Variants in RBFOX1 observed in about 807,000 individuals in gnomAD.
RBFOX1 encodes RNA binding fox-1 homolog 1, also known as RNA binding protein fox-1 homolog 1.
In RBFOX1, 8 loss-of-function variants were observed where a neutral mutation model predicts 57.7. The observed-to-expected ratio is 0.14, with a 90% CI of 0.08 to 0.25. The LOEUF (loss-of-function observed/expected upper bound fraction) is 0.25, where lower values mean the gene tolerates loss of function less well. Ranked by LOEUF, RBFOX1 falls within the 10% of genes least tolerant of loss-of-function variation. RBFOX1 has a pLI of 1.00. For synonymous variants in RBFOX1, 326 were observed against 222.4 expected (o/e 1.47, Z -4.15); for missense variants, 611 against 548.5 (o/e 1.11, Z -1.14).
intron 2 of RBFOX1, among the ~76,000 whole-genome samples, chr16:6,639,836 G>A (rs1436047515): frequency 6.6e-6 from 1 of 152,090 alleles, no homozygotes; most frequent in Non-Finnish European, 1.5e-5. Context: ...CTGAGATCAC[G>A]CCACTGCACT....
rs1194287222 is a variant in RBFOX1 at position 5,955,346 on chromosome 16, TAAAATAAATAA to T, written c.351+88015_351+88025del. Among the ~76,000 whole-genome samples the T allele has an allele frequency of 8.8e-3, 240 of 27,328 alleles. 27 individuals are homozygous for T. Among genetic ancestry groups the T allele is most frequent in the African/African-American group, 0.042 (225 of 5,364 alleles). The allele number at this position is 27,328 out of a possible 152,430, so 17.9% of individuals were successfully genotyped here. ...TAAAATAAAATAAAATAAAATAAAA[TAAAATAAATAA>T]AAATAAAATAAAATAAAATAAAATA... On this transcript the variant is annotated intron_variant, in intron 4 of 19. Transcript: ENST00000641259.
chr16:6,458,090 G>T (rs535359724), intron 2 of RBFOX1, among the ~76,000 whole-genome samples: 1 of 152,312 alleles, frequency 6.6e-6, no homozygotes, highest in East Asian at 1.9e-4. Context: ...TGGCATCCAG[G>T]GCTGGGGAAG....
intron 10 of RBFOX1, among the ~76,000 whole-genome samples, chr16:7,623,015 A>G (rs2059548165): frequency 6.6e-6 from 1 of 152,274 alleles, no homozygotes; most frequent in East Asian, 1.9e-4. Context: ...AAATCTGTCA[A>G]TTGAAAGCAG....
chr16:6,527,872 C>T (rs539024385), intron 2 of RBFOX1, among the ~76,000 whole-genome samples: 1 of 152,150 alleles, frequency 6.6e-6, no homozygotes, highest in African/African-American at 2.4e-5. Context: ...ATGCACAATT[C>T]AAAAGAGTGA....
intron 3 of RBFOX1, among the ~76,000 whole-genome samples, chr16:6,925,503 C>G (rs777226615): frequency 2.7e-5 from 4 of 150,872 alleles, no homozygotes; most frequent in African/African-American, 9.8e-5. Flanking sequence ...CCCTATTCCA[C>G]TGTGAATGTA....
chr16:6,795,962 T>A (rs1017207160), intron 3 of RBFOX1, among the ~76,000 whole-genome samples: 14 of 152,158 alleles, frequency 9.2e-5, no homozygotes, highest in African/African-American at 2.9e-4. Context: ...GATAAGGGAA[T>A]GTTATTTTCT....
At chr16:6,974,135 C>T (rs1025449813) in intron 3 of RBFOX1, among the ~76,000 whole-genome samples, 1 of 152,028 alleles carries the variant, frequency 6.6e-6, no homozygotes, top group Admixed American at 6.6e-5. Flanking sequence ...GCATAGAATT[C>T]CGTGGTGTAT....
intron 4 of RBFOX1, among the ~76,000 whole-genome samples, chr16:7,382,134 C>G (rs1321367380): frequency 2.0e-5 from 3 of 152,266 alleles, no homozygotes; most frequent in Middle Eastern, 6.8e-3. Flanking sequence ...TGAGTAGGGA[C>G]TAATTACCTC....
intron 1 of RBFOX1, among the ~76,000 whole-genome samples, chr16:5,254,480 AC>A (rs1047160100): frequency 5.9e-5 from 9 of 152,166 alleles, no homozygotes; most frequent in Non-Finnish European, 8.8e-5. Context: ...GGATGTTTAC[AC>A]TTTTTTAAAA....
In RBFOX1 at chr16:6,713,061, C is replaced by A. The variant is rs531087136; in HGVS notation, c.-16+58411C>A. On this transcript the variant is annotated intron_variant, in intron 3 of 15. Transcript: ENST00000550418. ...CACCATGATTGTGAGGCCTCCCCAGCCATGTGAAACCATGAGTCTATTAAA... is the reference window on the plus strand; with the variant it reads ...CACCATGATTGTGAGGCCTCCCCAGACATGTGAAACCATGAGTCTATTAAA... Among the ~76,000 whole-genome samples, 37 of 151,996 alleles carry A rather than the reference C, an allele frequency of 2.4e-4. 1 individual carries two copies. Among genetic ancestry groups the A allele is most frequent in the African/African-American group, 8.4e-4 (35 of 41,452 alleles).
At chr16:7,318,336 G>T (rs1305357978) in intron 4 of RBFOX1, among the ~76,000 whole-genome samples, 1 of 151,756 alleles carries the variant, frequency 6.6e-6, no homozygotes, top group Non-Finnish European at 1.5e-5. Flanking sequence ...GGTAGTGACA[G>T]TGCTGATGGT....
At chr16:7,583,503 A>C (rs1261522261) in intron 6 of RBFOX1, among the ~76,000 whole-genome samples, 2 of 152,238 alleles carry the variant, frequency 1.3e-5, no homozygotes, top group Non-Finnish European at 2.9e-5. Flanking sequence ...TTAACATTTA[A>C]ACATTCTGGG....
chr16:7,502,548 T>C (rs972383444), intron 4 of RBFOX1, among the ~76,000 whole-genome samples: 4 of 152,280 alleles, frequency 2.6e-5, no homozygotes, highest in African/African-American at 7.2e-5. Context: ...ATAGAAGATA[T>C]GTTGATTCAT....
intron 3 of RBFOX1, among the ~76,000 whole-genome samples, chr16:6,689,188 T>TTA (rs1392081657): frequency 6.6e-6 from 1 of 152,190 alleles, no homozygotes; most frequent in Admixed American, 6.5e-5. Flanking sequence ...TTATTTCTTG[T>TTA]TAGAGAGCTT....
At chr16:5,646,871 G>T (rs1490425859) in intron 3 of RBFOX1, among the ~76,000 whole-genome samples, 1 of 152,022 alleles carries the variant, frequency 6.6e-6, no homozygotes, top group Non-Finnish European at 1.5e-5. Context: ...TTGACCTCAT[G>T]ATCTGCCTGC....
intron 3 of RBFOX1, among the ~76,000 whole-genome samples, chr16:5,739,239 G>T (rs1442982096): frequency 6.6e-6 from 1 of 152,204 alleles, no homozygotes; most frequent in East Asian, 1.9e-4. Flanking sequence ...GATTGAGGGG[G>T]AACTTGGCGT....
chr16:6,919,769 C>CTTTTTTTTTTTTTTTTT (rs57240620), intron 3 of RBFOX1, among the ~76,000 whole-genome samples: 20 of 123,470 alleles, frequency 1.6e-4, no homozygotes, highest in East Asian at 2.4e-4. Context: ...TAAGATCATT[C>CTTTTTTTTTTTTTTTTT]TTTTTTTTTT....
chr16:7,685,410 AAC>A (rs2075855506), intron 14 of RBFOX1, among the ~76,000 whole-genome samples: 1 of 152,140 alleles, frequency 6.6e-6, no homozygotes, highest in Non-Finnish European at 1.5e-5. Flanking sequence ...CGTGGACGGA[AAC>A]AGTTATTTAT....
At chr16:7,409,451 T>C (rs1157024317) in intron 4 of RBFOX1, among the ~76,000 whole-genome samples, 5 of 152,226 alleles carry the variant, frequency 3.3e-5, no homozygotes, top group Non-Finnish European at 2.9e-5. Flanking sequence ...CCCGTCCCCA[T>C]TGTCACAGAA....
Sources: gnomAD v4.1 joint callset for allele counts (sites outside exome capture counted in the v4.1 genomes callset) on GRCh38, gnomAD v4.1.1 for gene constraint, MANE v1.5 for transcripts, NCBI Gene and HGNC (gene_info 2026-07-23, HGNC 2026-07-21) for gene names.